The following LMTK2 variants were observed in gnomAD, a reference collection of about 807,000 sequenced individuals.
LMTK2 encodes serine/threonine-protein kinase LMTK2.
Under a neutral mutation model 127.5 loss-of-function variants are expected in LMTK2, and 37 were observed. The ratio of observed to expected loss-of-function variants is 0.29; its 90% confidence interval spans 0.22 to 0.38. The LOEUF is 0.38. Among genes scored for constraint, LMTK2 ranks in the 10% least tolerant of loss-of-function variants. The probability of loss-of-function intolerance (pLI) is 1.00; values close to 1 mark genes in which losing one functional copy is unlikely to be tolerated. For missense variants in LMTK2, 1,694 were observed against 1,920.3 expected (o/e 0.88, Z 2.20); for synonymous variants, 819 against 810.1 (o/e 1.01, Z -0.19).
rs533518785 is a variant in LMTK2, at chr7:98,111,304, T to G, written c.103+4024T>G. Among the ~76,000 whole-genome samples, 7 of 152,370 alleles carry G rather than the reference T, an allele frequency of 4.6e-5. 1 individual carries two copies. In the South Asian group the frequency reaches 6.2e-4, roughly 14 times the overall value. On this transcript the variant is annotated intron_variant, in intron 1 of 13. Coordinates refer to ENST00000297293, the MANE Select transcript of LMTK2 (RefSeq NM_014916.4). ...GTCACTTAGATAACAGCTGTAGATA[T>G]AATTTTAAAAAGACACTGTCATATA... is the stretch of plus-strand genomic sequence containing the variant.
chr7:98,132,835 T>C (rs1463988528), intron 1 of LMTK2, among the ~76,000 whole-genome samples: 1 of 152,176 alleles, frequency 6.6e-6, no homozygotes, highest in Non-Finnish European at 1.5e-5. Flanking sequence ...TTTAGTTAAT[T>C]ACATATGGGT....
intron 1 of LMTK2, among the ~76,000 whole-genome samples, chr7:98,127,679 G>A (rs1796462492): frequency 1.3e-5 from 2 of 152,174 alleles, no homozygotes; most frequent in African/African-American, 2.4e-5. Flanking sequence ...CCAAGTATAT[G>A]TTAAAATAAC....
chr7:98,133,760 T>G (rs1278618424), intron 1 of LMTK2, among the ~76,000 whole-genome samples: 1 of 152,052 alleles, frequency 6.6e-6, no homozygotes, highest in African/African-American at 2.4e-5. Flanking sequence ...CGTGGCATAG[T>G]TCATTGGTCT....
chr7:98,151,569 C>A, intron 4 of LMTK2, 114 bp downstream of exon 4: 1 of 783,088 alleles, frequency 1.3e-6, no homozygotes, highest in Admixed American at 2.4e-5. Context: ...CCCTGCGTTA[C>A]TAATTGAGTT....
intron 13 of LMTK2, among the ~76,000 whole-genome samples, chr7:98,204,590 G>A (rs546227698): frequency 6.6e-6 from 1 of 152,360 alleles, no homozygotes; most frequent in Admixed American, 6.5e-5. Context: ...TTGTGCCACT[G>A]CCCTCCAGCA....
chr7:98,132,387 A>T (rs1318670562), intron 1 of LMTK2, among the ~76,000 whole-genome samples: 1 of 152,050 alleles, frequency 6.6e-6, no homozygotes, highest in Non-Finnish European at 1.5e-5. Context: ...AGTAGCTGGG[A>T]CCACAGGCGC....
intron 11 of LMTK2, among the ~76,000 whole-genome samples, chr7:98,200,167 C>A (rs894803718): frequency 2.6e-5 from 4 of 152,038 alleles, no homozygotes; most frequent in Non-Finnish European, 5.9e-5. Flanking sequence ...TTCTCACAAT[C>A]TACTTAGAAT....
intron 1 of LMTK2, among the ~76,000 whole-genome samples, chr7:98,121,361 G>A (rs563180774): frequency 3.3e-5 from 5 of 152,242 alleles, no homozygotes; most frequent in African/African-American, 1.2e-4. Flanking sequence ...TGGCGTGGTG[G>A]CTCACTCCTG....
rs1365809679 is a variant in LMTK2, at chr7:98,209,348, G to A, written c.*3856G>A. 5 of 152,216 alleles carry A rather than the reference G, an allele frequency of 3.3e-5. No homozygotes were observed. The highest frequency in any genetic ancestry group is 5.9e-5 in the Non-Finnish European group (4 of 68,048). 9.4% of individuals were successfully genotyped at this position (152,216 alleles called of 1,614,324 possible). ...TTAAGCACTCAGGCCTACGTGGGCCGAGCGGGATCTTGATCATGGGGCTGG... is the reference window on the plus strand; with the variant it reads ...TTAAGCACTCAGGCCTACGTGGGCCAAGCGGGATCTTGATCATGGGGCTGG... On this transcript the variant is annotated 3_prime_UTR_variant, in exon 14 of 14. Transcript: ENST00000297293.
rs1416775344 is a variant in LMTK2 at position 98,171,804 on chromosome 7, G to A, written c.791+130G>A. On this transcript the variant is annotated intron_variant, in intron 7 of 13. Transcript: ENST00000297293. The surrounding 1 kb of genome is among the most constrained non-coding windows in gnomAD (Gnocchi z 5.1). The stretch of plus-strand genomic sequence containing the variant: ...GAACCCAGCTCATGTAGGTAGAAGC[G>A]ATCTCGTTCTTACCCATGTCCGGAT... 1.3e-5 allele frequency: 13 copies of A among 1,022,040 alleles called. No homozygotes were observed. The highest frequency in any genetic ancestry group is 3.3e-5 in the Admixed American group (1 of 30,586). The allele number at this position is 1,022,040 out of a possible 1,614,324, so 63.3% of individuals were successfully genotyped here. A position where few individuals can be genotyped will look rare whatever the true frequency, so the allele number is the denominator to read the frequency against.
intron 5 of LMTK2, 140 bp from the exon 6 acceptor site, chr7:98,159,198 G>C (rs1276725249): frequency 4.0e-6 from 2 of 500,580 alleles, no homozygotes; most frequent in Non-Finnish European, 6.9e-6. Flanking sequence ...TTTTTAGCCT[G>C]TCATTTATGT....
intron 8 of LMTK2, among the ~76,000 whole-genome samples, chr7:98,186,150 G>A (rs1009901977): frequency 1.3e-5 from 2 of 150,298 alleles, no homozygotes; most frequent in Admixed American, 6.7e-5. Flanking sequence ...TGCAACCTCC[G>A]CCTCCCGGGT....
rs3801296 is a variant in LMTK2 at position 98,193,813 on chromosome 7, G to C, written c.3348G>C (p.Arg1116Ser). 6.2e-7 allele frequency: 1 copy of C among 1,613,892 alleles called. No individual in the cohort carries two copies. Among genetic ancestry groups the C allele is most frequent in the Non-Finnish European group, 8.5e-7 (1 of 1,179,994 alleles). The change falls in exon 11 of 14, where the codon AGG (arginine) becomes AGC (serine). Residue 1116 changes from arginine (R) to serine (S), a missense_variant. By Grantham distance (110) the Arg-to-Ser change is moderately radical (BLOSUM62 -1). Transcript: ENST00000297293. The surrounding 1 kb of genome is among the most constrained non-coding windows in gnomAD (Gnocchi z 4.1). ...FSDNDSEPEK[R>S]SEEVPGTSPS... is the part of the protein sequence containing the mutation. The stretch of plus-strand genomic sequence containing the variant: ...ACAATGACTCTGAGCCCGAGAAAAG[G>C]TCTGAGGAGGTCCCGGGAACCTCCC...
chr7:98,205,526 T>TGCTCCCCTGGAGCG lies in LMTK2; in HGVS notation c.*37_*50dup. 1 of 1,609,350 alleles carries TGCTCCCCTGGAGCG rather than the reference T, an allele frequency of 6.2e-7. No homozygotes were observed. The highest frequency in any genetic ancestry group is 2.2e-5 in the East Asian group (1 of 44,864). On this transcript the variant is annotated 3_prime_UTR_variant, in exon 14 of 14. Coordinates refer to ENST00000297293, the MANE Select transcript of LMTK2 (RefSeq NM_014916.4). ...CAACGCGCACGCTCGGGTCCGAGGC[T>TGCTCCCCTGGAGCG]GCTCCCCTGGAGCGGCGCCCCTGCG...
Position 98,141,548 on chromosome 7 carries a change from C to G in LMTK2, c.376+7C>G. 1.2e-6 allele frequency: 2 copies of G among 1,612,326 alleles called. No homozygotes were observed. Among genetic ancestry groups the G allele is most frequent in the Non-Finnish European group, 1.7e-6 (2 of 1,178,592 alleles). On this transcript the variant is annotated splice_region_variant and intron_variant, in intron 3 of 13. Transcript: ENST00000297293. Reference sequence around the variant, plus strand: ...CAATTCCAGCCTTCTGTAGGTAAGACCATACAGCCTAATGCCACGTTTTCA... The same window carrying G: ...CAATTCCAGCCTTCTGTAGGTAAGAGCATACAGCCTAATGCCACGTTTTCA...
chr7:98,190,685 C>T (rs1797509788), intron 9 of LMTK2, 43 bp from the exon 10 acceptor site: 2 of 1,602,062 alleles, frequency 1.2e-6, no homozygotes, highest in South Asian at 2.2e-5. Context: ...AAAAATTTGA[C>T]ATCTAAAGGG....
chr7:98,191,368 A>G (rs887499987), intron 10 of LMTK2, among the ~76,000 whole-genome samples: 8 of 152,228 alleles, frequency 5.3e-5, no homozygotes, highest in Admixed American at 5.2e-4. Flanking sequence ...CCTGGCCAAC[A>G]TGGTGAAACC....
intron 2 of LMTK2, among the ~76,000 whole-genome samples, chr7:98,137,870 C>T (rs1796616695): frequency 6.6e-6 from 1 of 152,142 alleles, no homozygotes; most frequent in Non-Finnish European, 1.5e-5. Context: ...GATGATTGTT[C>T]CCCTCCACCC....
At chr7:98,137,948 G>A (rs1391040352) in intron 2 of LMTK2, among the ~76,000 whole-genome samples, 1 of 152,218 alleles carries the variant, frequency 6.6e-6, no homozygotes, top group Admixed American at 6.5e-5. Flanking sequence ...CCCCCAGTGT[G>A]TTTTGTGAAA....
Sources: gnomAD v4.1 joint callset for allele counts (sites outside exome capture counted in the v4.1 genomes callset) on GRCh38, gnomAD v4.1.1 for gene constraint, Gnocchi (gnomAD v3.1) non-coding constraint, MANE v1.5 for transcripts, NCBI Gene and HGNC (gene_info 2026-07-23, HGNC 2026-07-21) for gene names.